The following ARPP21 variants were observed in gnomAD, a reference collection of about 807,000 sequenced individuals.
ARPP21 encodes cAMP-regulated phosphoprotein 21.
In ARPP21, 69 loss-of-function variants were observed where a neutral mutation model predicts 113.2. The observed-to-expected ratio is 0.61, with a 90% CI of 0.50 to 0.74. The LOEUF (loss-of-function observed/expected upper bound fraction) is 0.74, where lower values mean the gene tolerates loss of function less well. ARPP21 is among the 30% of genes least tolerant of loss of function. ARPP21 has a pLI of 0.00. For missense variants in ARPP21, 1,070 were observed against 1,037.4 expected, an observed-to-expected ratio of 1.03 and a Z score of -0.43; for synonymous variants, 368 against 375.5, an observed-to-expected ratio of 0.98 and a Z score of 0.23.
At chr3:35,744,255 G>T (rs1047566384) in intron 19 of ARPP21, among the ~76,000 whole-genome samples, 1 of 152,310 alleles carries the variant, frequency 6.6e-6, no homozygotes, top group African/African-American at 2.4e-5. Context: ...TACCTTTCTA[G>T]TTCATACCTT....
At chr3:35,764,972 T>A (rs1559894841) in intron 19 of ARPP21, among the ~76,000 whole-genome samples, 1 of 152,142 alleles carries the variant, frequency 6.6e-6, no homozygotes, top group Non-Finnish European at 1.5e-5. Flanking sequence ...ATTGATTAAA[T>A]GTGAAGTTAT....
At chr3:35,687,122 A>G (rs902097479) in intron 5 of ARPP21, among the ~76,000 whole-genome samples, 2 of 151,208 alleles carry the variant, frequency 1.3e-5, no homozygotes, top group African/African-American at 2.4e-5. Context: ...ATTCATTATA[A>G]TGATTTATTA....
intron 1 of ARPP21, 32 bp downstream of exon 1, chr3:35,640,430 G>T (rs1697631239): frequency 6.6e-6 from 1 of 152,162 alleles, no homozygotes; most frequent in Admixed American, 6.5e-5. Flanking sequence ...CGTGAACATT[G>T]CACGCCTTTT....
chr3:35,653,791 A>C (rs542349245), intron 1 of ARPP21, among the ~76,000 whole-genome samples: 1 of 152,242 alleles, frequency 6.6e-6, no homozygotes, highest in South Asian at 2.1e-4. Context: ...CCATTAAAAC[A>C]TTGAAACTTC....
intron 19 of ARPP21, among the ~76,000 whole-genome samples, chr3:35,790,481 C>T (rs550801780): frequency 1.3e-5 from 2 of 152,236 alleles, no homozygotes; most frequent in African/African-American, 2.4e-5. Context: ...GAGACCTAGA[C>T]AATGAAAAAC....
chr3:35,665,025 A>G (rs1709586248), intron 1 of ARPP21, among the ~76,000 whole-genome samples: 1 of 152,180 alleles, frequency 6.6e-6, no homozygotes. Flanking sequence ...ACTGAAAGAA[A>G]CAAACTTTTC....
chr3:35,639,210 G>C (rs943653404), upstream of ARPP21, among the ~76,000 whole-genome samples: 21 of 152,088 alleles, frequency 1.4e-4, no homozygotes, highest in African/African-American at 4.8e-4. The surrounding 1 kb of genome is among the most constrained non-coding windows in gnomAD (Gnocchi z 5.0). Flanking sequence ...GGCGGAGAAC[G>C]GCCCAGGGAA....
chr3:35,768,089 T>C (rs1348320132), intron 19 of ARPP21, among the ~76,000 whole-genome samples: 1 of 53,666 alleles, frequency 1.9e-5, no homozygotes, highest in Non-Finnish European at 3.5e-5. Flanking sequence ...CGTGTGTGTG[T>C]GTGTGTGTGT....
chr3:35,645,181 A>C (rs1187451420), intron 1 of ARPP21, among the ~76,000 whole-genome samples: 2 of 151,854 alleles, frequency 1.3e-5, no homozygotes, highest in East Asian at 1.9e-4. Context: ...GTCCACTAAT[A>C]ATTATCCCCT....
intron 3 of ARPP21, 118 bp downstream of exon 3, chr3:35,681,998 A>G: frequency 8.4e-7 from 1 of 1,186,492 alleles, no homozygotes; most frequent in Non-Finnish European, 1.1e-6. Flanking sequence ...TATCATTAGG[A>G]AATGCTAGTC....
At chr3:35,702,644 T>C (rs575955942) in intron 9 of ARPP21, among the ~76,000 whole-genome samples, 1 of 151,834 alleles carries the variant, frequency 6.6e-6, no homozygotes, top group East Asian at 1.9e-4. Context: ...TAAAATGAAT[T>C]TTGCAAGGGT....
intron 20 of ARPP21, among the ~76,000 whole-genome samples, chr3:35,792,922 A>G (rs2096774625): frequency 6.6e-6 from 1 of 152,214 alleles, no homozygotes; most frequent in Non-Finnish European, 1.5e-5. Flanking sequence ...ACTTTAAGTT[A>G]TAAGAGATTT....
At chr3:35,685,733 C>A in intron 5 of ARPP21, 1 of 978,118 alleles carries the variant, frequency 1.0e-6, no homozygotes, top group Non-Finnish European at 1.2e-6. Context: ...TAATGTTATA[C>A]TATTTACCTG....
chr3:35,781,242 A>G (rs2096521558), intron 19 of ARPP21, among the ~76,000 whole-genome samples: 1 of 152,206 alleles, frequency 6.6e-6, no homozygotes, highest in Non-Finnish European at 1.5e-5. Flanking sequence ...AAGCACTTTT[A>G]ATCATGATGA....
At chr3:35,769,861 T>A (rs2151487499) in intron 19 of ARPP21, among the ~76,000 whole-genome samples, 1 of 152,332 alleles carries the variant, frequency 6.6e-6, no homozygotes, top group East Asian at 1.9e-4. Context: ...AGCAGAGTCA[T>A]TGCTTGGAAG....
Position 35,682,888 on chromosome 3 carries a change from A to G in ARPP21, c.170A>G (p.Lys57Arg). The change falls in exon 4 of 21, where the codon AAG becomes AGG. Residue 57 changes from lysine (K) to arginine (R), a missense_variant and splice_region_variant. Lys to Arg is a conservative substitution (Grantham distance 26). Coordinates refer to ENST00000684406, the MANE Select transcript of ARPP21 (RefSeq NM_001385562.1). ...EAQNQERRKS[K>R]SGAGKGKLTR... ...CAGAATCAAGAAAGAAGAAAATCCA[A>G]GGTAGGGTTCTTAACATTCTAGGTA... The G allele has an allele frequency of 6.2e-7, 1 of 1,608,808 alleles. No homozygotes were observed. The highest frequency in any genetic ancestry group is 8.5e-7 in the Non-Finnish European group (1 of 1,176,838).
intron 11 of ARPP21, among the ~76,000 whole-genome samples, chr3:35,713,005 C>T (rs2091626778): frequency 6.6e-6 from 1 of 152,160 alleles, no homozygotes; most frequent in Non-Finnish European, 1.5e-5. Flanking sequence ...GTCCTCCTAA[C>T]ATGTGCTGGG....
intron 10 of ARPP21, chr3:35,707,463 G>A (rs528580345): frequency 1.1e-5 from 5 of 471,084 alleles, no homozygotes; most frequent in Non-Finnish European, 2.1e-5. Flanking sequence ...TTGTCCTTCA[G>A]TTGTGCACAA....
chr3:35,676,637 T>C (rs1339832790), intron 1 of ARPP21, among the ~76,000 whole-genome samples: 4 of 151,882 alleles, frequency 2.6e-5, no homozygotes, highest in African/African-American at 9.7e-5. Flanking sequence ...TATTGAACGA[T>C]TGCATTTTGG....
Sources: allele counts gnomAD v4.1 joint callset (sites outside exome capture counted in the v4.1 genomes callset), GRCh38; gene constraint gnomAD v4.1.1; non-coding constraint Gnocchi (gnomAD v3.1); transcripts MANE v1.5; gene names NCBI Gene and HGNC (gene_info 2026-07-23, HGNC 2026-07-21).